Variants in TBC1D2 observed in about 807,000 individuals in gnomAD.
The protein encoded by TBC1D2 is TBC1 domain family member 2A.
A neutral mutation model predicts 91.1 loss-of-function variants in TBC1D2; 58 were observed. That is an observed-to-expected ratio of 0.64 (90% CI 0.52 to 0.79). The LOEUF (loss-of-function observed/expected upper bound fraction) is 0.79. Ranked by LOEUF, TBC1D2 falls within the 30% of genes least tolerant of loss-of-function variation. The probability of loss-of-function intolerance (pLI) is 0.00; values close to 1 mark genes in which losing one functional copy is unlikely to be tolerated. For missense variants in TBC1D2, 1,080 were observed against 1,208.3 expected, an observed-to-expected ratio of 0.89 and a Z score of 1.57; for synonymous variants, 482 against 511.5, an observed-to-expected ratio of 0.94 and a Z score of 0.78.
chr9:98,213,259 C>T (rs747592157), intron 6 of TBC1D2, 41 bp from the exon 7 acceptor site: 59 of 1,611,318 alleles, frequency 3.7e-5, no homozygotes, highest in Admixed American at 1.0e-4. Context: ...TGGACATAAA[C>T]ATCTCCCTGG....
chr9:98,206,006 T>C (rs547830416), intron 9 of TBC1D2, among the ~76,000 whole-genome samples: 1 of 152,290 alleles, frequency 6.6e-6, no homozygotes, highest in African/African-American at 2.4e-5. Flanking sequence ...TTCTCTTTTT[T>C]CGAGATGGAG....
chr9:98,201,520 G>A lies in TBC1D2; in HGVS notation c.2416C>T (p.Leu806Phe). The A allele has an allele frequency of 6.2e-7, 1 of 1,614,158 alleles. No homozygotes were observed. Among genetic ancestry groups the A allele is most frequent in the Non-Finnish European group, 8.5e-7 (1 of 1,180,018 alleles). ...AGGAAGGCATCCCAGACCCGAAGGA[G>A]GATGTTGCTAATGAGACTGTCCGCA... is the stretch of plus-strand genomic sequence containing the variant. ...VFADSLISNI[L>F]LRVWDAFLYE... Residue 806 changes from leucine (L) to phenylalanine (F), a missense_variant, in exon 11 of 13, where the codon CTC (leucine) becomes TTC (phenylalanine). Leu to Phe is a conservative substitution (Grantham distance 22). Coordinates refer to ENST00000465784, the MANE Select transcript of TBC1D2 (RefSeq NM_001267571.2).
intron 8 of TBC1D2, among the ~76,000 whole-genome samples, chr9:98,210,008 T>G (rs1828788721): frequency 7.0e-6 from 1 of 142,432 alleles, no homozygotes; most frequent in African/African-American, 2.6e-5. Flanking sequence ...TTTTTTTTTG[T>G]AGAGACAGGA....
intron 4 of TBC1D2, among the ~76,000 whole-genome samples, chr9:98,232,342 G>GTTTTTTTTTTTTTTTTTTT (rs753455224): frequency 0.014 from 1,229 of 86,510 alleles, 127 homozygotes; most frequent in Middle Eastern, 0.023. Context: ...CTCTTTTTCT[G>GTTTTTTTTTTTTTTTTTTT]TTTTTTTTTT....
intron 9 of TBC1D2, among the ~76,000 whole-genome samples, chr9:98,204,235 G>A (rs1828589607): frequency 6.6e-6 from 1 of 152,198 alleles, no homozygotes; most frequent in Non-Finnish European, 1.5e-5. Context: ...CTCCCAAGAT[G>A]CTAGGTGAAC....
intron 1 of TBC1D2, among the ~76,000 whole-genome samples, chr9:98,252,628 C>T (rs771286046): frequency 1.3e-5 from 2 of 152,232 alleles, no homozygotes; most frequent in Non-Finnish European, 2.9e-5. Context: ...CCCCTTTCTA[C>T]AGATGGAGAA....
chr9:98,231,261 A>G (rs1000193805), intron 4 of TBC1D2, among the ~76,000 whole-genome samples: 1 of 142,206 alleles, frequency 7.0e-6, no homozygotes, highest in Non-Finnish European at 1.5e-5. Flanking sequence ...CCAGACTCCA[A>G]CTCCAGCCTC....
At chr9:98,224,093 A>G (rs775477789) in intron 5 of TBC1D2, among the ~76,000 whole-genome samples, 11 of 151,820 alleles carry the variant, frequency 7.2e-5, no homozygotes, top group South Asian at 6.3e-4. Flanking sequence ...CCAGCTACTC[A>G]GGAGGCTGAG....
intron 1 of TBC1D2, 108 bp downstream of exon 1, chr9:98,255,065 A>C (rs1588071893): frequency 6.8e-7 from 1 of 1,477,266 alleles, no homozygotes; most frequent in Non-Finnish European, 9.0e-7. Context: ...AACTGTCGTC[A>C]CCGACACTCC....
At position 98,221,171 on chromosome 9, in the gene TBC1D2, A is replaced by C. The variant is rs982421213; in HGVS notation, c.1036T>G (p.Ser346Ala). 6.4e-7 allele frequency: 1 copy of C among 1,563,226 alleles called. No individual in the cohort carries two copies. The change falls in exon 6 of 13, where the codon TCC becomes GCC. Residue 346 changes from serine to alanine, a missense_variant. By Grantham distance (99) the Ser-to-Ala change is moderately conservative (BLOSUM62 1). Coordinates refer to ENST00000465784, the MANE Select transcript of TBC1D2 (RefSeq NM_001267571.2). Reference protein sequence around the residue: ...LEAAQQEKRASSAYLAAAEDK... With the variant: ...LEAAQQEKRAASAYLAAAEDK... ...TCAGCCGCCGCCAGGTATGCGCTGG[A>C]CGCCCGCTTCTCCTGCTGGGCGGCC...
At position 98,203,550 on chromosome 9, in the gene TBC1D2, G is replaced by A. The variant is rs1442981766; in HGVS notation, c.2151-142C>T. 2.3e-6 allele frequency: 3 copies of A among 1,278,104 alleles called. No homozygotes were observed. The African/African-American group carries it at 4.5e-5, about 19-fold the overall frequency. The allele number at this position is 1,278,104 out of a possible 1,614,324, so 79.2% of individuals were successfully genotyped here. A position where few individuals can be genotyped will look rare whatever the true frequency, so the allele number is the denominator to read the frequency against. The stretch of plus-strand genomic sequence containing the variant: ...GCAATCCCACTCCCTAACCAGATTT[G>A]TGCTCCTGGCACCTGGGGTGAGATA... On this transcript the variant is annotated intron_variant, in intron 9 of 12. Transcript: ENST00000465784.
At chr9:98,247,495 G>T (rs1321541964) in intron 2 of TBC1D2, among the ~76,000 whole-genome samples, 1 of 152,184 alleles carries the variant, frequency 6.6e-6, no homozygotes, top group Non-Finnish European at 1.5e-5. Context: ...TTGGGAGGCG[G>T]AGGTGGGTGG....
intron 5 of TBC1D2, 83 bp from the exon 6 acceptor site, chr9:98,221,311 T>C: frequency 2.1e-6 from 3 of 1,436,440 alleles, no homozygotes; most frequent in Non-Finnish European, 2.8e-6. Flanking sequence ...TCAGTAGTTC[T>C]CCTAACAACC....
chr9:98,237,036 G>C (rs75388502), intron 3 of TBC1D2, among the ~76,000 whole-genome samples: 19,617 of 151,750 alleles, frequency 0.13, 2,975 homozygotes, highest in African/African-American at 0.37. Flanking sequence ...AATAAAATCT[G>C]TTAAGAATGT....
At chr9:98,203,767 C>T (rs1183759447) in intron 9 of TBC1D2, among the ~76,000 whole-genome samples, 1 of 152,126 alleles carries the variant, frequency 6.6e-6, no homozygotes, top group Non-Finnish European at 1.5e-5. Flanking sequence ...ATGAACAGAG[C>T]TCATTCAGTG....
intron 3 of TBC1D2, chr9:98,235,073 G>C (rs112737978): frequency 3.0e-5 from 6 of 201,376 alleles, no homozygotes; most frequent in Admixed American, 4.8e-5. Flanking sequence ...GCGTGGTGGC[G>C]CATGCCTGTA....
chr9:98,238,269 TC>T (rs1184589881), intron 3 of TBC1D2, among the ~76,000 whole-genome samples: 1 of 136,996 alleles, frequency 7.3e-6, no homozygotes, highest in Non-Finnish European at 1.5e-5. Flanking sequence ...GCCCTTTTTT[TC>T]AACAATGTTT....
At chr9:98,229,195 G>A (rs769610158) in intron 4 of TBC1D2, 47 bp from the exon 5 acceptor site, 1 of 1,583,808 alleles carries the variant, frequency 6.3e-7, no homozygotes, top group Admixed American at 1.7e-5. Flanking sequence ...GACATCAGCA[G>A]TTCTCAAACC....
chr9:98,217,169 C>A (rs994686140), intron 6 of TBC1D2, among the ~76,000 whole-genome samples: 2 of 152,200 alleles, frequency 1.3e-5, no homozygotes, highest in African/African-American at 4.8e-5. Flanking sequence ...GCTCGATGCC[C>A]TACCTTGAGT....
Sources: allele counts gnomAD v4.1 joint callset (sites outside exome capture counted in the v4.1 genomes callset), GRCh38; gene constraint gnomAD v4.1.1; transcripts MANE v1.5; gene names NCBI Gene and HGNC (gene_info 2026-07-23, HGNC 2026-07-21).